Variants in OR2B11 observed in about 807,000 individuals in gnomAD.
OR2B11 encodes the protein olfactory receptor 2B11.
For synonymous variants in OR2B11, 198 were observed against 174.5 expected (o/e 1.13, Z -1.06); for missense variants, 422 against 400.0 (o/e 1.05, Z -0.47).
chr1:247,455,143 T>C (rs6672845), intron 1 of OR2B11, 79 bp from the exon 2 acceptor site: 113,665 of 152,032 alleles, frequency 0.75, 42,857 homozygotes, highest in East Asian at 0.94. Flanking sequence ...TGACATTTGC[T>C]GCTGAAATCT....
rs1251769502 is a variant in OR2B11, at chr1:247,452,834, G to GC, written c.-853dup. 2.0e-5 allele frequency: 3 copies of GC among 152,226 alleles called. No individual in the cohort carries two copies. Among genetic ancestry groups the GC allele is most frequent in the Non-Finnish European group, 2.9e-5 (2 of 68,040 alleles). The allele number at this position is 152,226 out of a possible 1,614,324, so 9.4% of individuals were successfully genotyped here. A position where few individuals can be genotyped will look rare whatever the true frequency, so the allele number is the denominator to read the frequency against. On this transcript the variant is annotated 5_prime_UTR_variant, in exon 2 of 2. It introduces an in-frame stop codon into an upstream open reading frame of the 5' UTR. Coordinates refer to ENST00000641149, the MANE Select transcript of OR2B11 (RefSeq NM_001004492.2). ...GAATTGTCTACGGAAAGATCAGACTGCCCTCTAGGGCTAGGTTTTATCTGA... is the reference window on the plus strand; with the variant it reads ...GAATTGTCTACGGAAAGATCAGACTGCCCCTCTAGGGCTAGGTTTTATCTGA...
At position 247,454,181 on chromosome 1, in the gene OR2B11, GCACACACACACACACA is replaced by G. The variant is rs907840139; in HGVS notation, c.-2215_-2200del. 1 of 18,746 alleles carries G rather than the reference GCACACACACACACACA, an allele frequency of 5.3e-5. No individual in the cohort carries two copies. Among genetic ancestry groups the G allele is most frequent in the Non-Finnish European group, 4.7e-4 (1 of 2,124 alleles). 1.2% of individuals were successfully genotyped at this position (18,746 alleles called of 1,614,324 possible). A position where few individuals can be genotyped will look rare whatever the true frequency, so the allele number is the denominator to read the frequency against. ...CACACACATGCATGCACGTGCACAC[GCACACACACACACACA>G]CACACACACGCACACACACACGGTT... is the stretch of plus-strand genomic sequence containing the variant. On this transcript the variant is annotated 5_prime_UTR_variant, in exon 2 of 2. The change creates a premature stop within an existing upstream ORF in the 5' untranslated region. Coordinates refer to ENST00000641149, the MANE Select transcript of OR2B11 (RefSeq NM_001004492.2).
In OR2B11 at chr1:247,451,889, AG is replaced by A; in HGVS notation, c.93del (p.Phe32LeufsTer135). ...ACATAGGACAGCAGGAGGACCACAAAGAGAGGGAGTTCCAGCCACGGCCTGT... is the reference window on the plus strand; with the variant it reads ...ACATAGGACAGCAGGAGGACCACAAAAGAGGGAGTTCCAGCCACGGCCTGT... ...VSDRPWLELP[L>X]FVVLLLSYVL... On this transcript the variant is annotated frameshift_variant, in exon 2 of 2. Coordinates refer to ENST00000641149, the MANE Select transcript of OR2B11 (RefSeq NM_001004492.2). LOFTEE classifies it low-confidence loss of function (END_TRUNC). 1.2e-6 allele frequency: 2 copies of A among 1,614,130 alleles called. No individual in the cohort carries two copies. The highest frequency in any genetic ancestry group is 1.7e-6 in the Non-Finnish European group (2 of 1,180,024).
At position 247,451,950 on chromosome 1, in the gene OR2B11, G is replaced by C; in HGVS notation, c.33C>G (p.Asp11Glu). The change falls in exon 2 of 2, where the codon GAC becomes GAG. Residue 11 changes from aspartate to glutamate, a missense_variant. By Grantham distance (45) the Asp-to-Glu change is conservative (BLOSUM62 2). Coordinates refer to ENST00000641149, the MANE Select transcript of OR2B11 (RefSeq NM_001004492.2). The stretch of plus-strand genomic sequence containing the variant: ...CCAGAAGGATGAAGGCTTTAGGGGA[G>C]TCCCCTAAGAAGCTATGGTTGTCAC... MKSDNHSFLG[D>E]SPKAFILLGV... The C allele has an allele frequency of 6.3e-7, 1 of 1,596,672 alleles. No homozygotes were observed. Among genetic ancestry groups the C allele is most frequent in the Non-Finnish European group, 8.5e-7 (1 of 1,172,180 alleles).
At position 247,450,694 on chromosome 1, in the gene OR2B11, G is replaced by T. The variant is rs755899435; in HGVS notation, c.*335C>A. On this transcript the variant is annotated 3_prime_UTR_variant, in exon 2 of 2. Transcript: ENST00000641149. ...TCAGCTTCATCTTGTGTATACTTAG[G>T]AGTAATAGAAAAGAGACAAATGGGG... 3 of 187,880 alleles carry T rather than the reference G, an allele frequency of 1.6e-5. No individual in the cohort carries two copies. Among genetic ancestry groups the T allele is most frequent in the Admixed American group, 6.1e-5 (1 of 16,302 alleles). The allele number at this position is 187,880 out of a possible 1,614,324, so 11.6% of individuals were successfully genotyped here.
chr1:247,451,180 G>A lies in OR2B11; in HGVS notation c.803C>T (p.Ser268Phe), dbSNP rs866290262. The change falls in exon 2 of 2, where the codon TCC becomes TTC. Residue 268 changes from serine to phenylalanine, a missense_variant. Physicochemically the swap from Ser to Phe is radical, Grantham distance 155. Transcript: ENST00000641149. ...PAIYMYLQPP[S>F]SYSQEQGKFI... is the part of the protein sequence containing the mutation. ...TTTGCCCTGCTCTTGGGAGTAGCTG[G>A]AAGGGGGCTGCAGATACATGTAAAT... 1 of 1,558,604 alleles carries A rather than the reference G, an allele frequency of 6.4e-7. No individual in the cohort carries two copies. The highest frequency in any genetic ancestry group is 8.7e-7 in the Non-Finnish European group (1 of 1,150,826).
chr1:247,450,944 C>T lies in OR2B11; in HGVS notation c.*85G>A, dbSNP rs2103265474. ...GGTTTTTGAGCTCTCTGGGTATTAA[C>T]TCCTTAAGTGAAAGATGCTCTGAGT... On this transcript the variant is annotated 3_prime_UTR_variant, in exon 2 of 2. Transcript: ENST00000641149. The T allele has an allele frequency of 1.3e-6, 1 of 782,260 alleles. No homozygotes were observed. Among genetic ancestry groups the T allele is most frequent in the East Asian group, 2.7e-5 (1 of 36,492 alleles). The allele number at this position is 782,260 out of a possible 1,614,324, so 48.5% of individuals were successfully genotyped here.
rs1419650582 is a variant in OR2B11 at position 247,454,187 on chromosome 1, A to G, written c.-2205T>C. On this transcript the variant is annotated 5_prime_UTR_variant, in exon 2 of 2. Coordinates refer to ENST00000641149, the MANE Select transcript of OR2B11 (RefSeq NM_001004492.2). ...CATGCATGCACGTGCACACGCACAC[A>G]CACACACACACACACACACGCACAC... 1 of 16,790 alleles carries G rather than the reference A, an allele frequency of 6.0e-5. No homozygotes were observed. The highest frequency in any genetic ancestry group is 9.4e-4 in the Non-Finnish European group (1 of 1,066). The allele number at this position is 16,790 out of a possible 1,614,324, so 1.0% of individuals were successfully genotyped here. A position where few individuals can be genotyped will look rare whatever the true frequency, so the allele number is the denominator to read the frequency against.
intron 1 of OR2B11, among the ~76,000 whole-genome samples, chr1:247,457,053 A>C (rs1438965744): frequency 1.3e-5 from 2 of 152,160 alleles, no homozygotes; most frequent in Non-Finnish European, 2.9e-5. Flanking sequence ...GCTGGGACCC[A>C]GCAGTGATGG....
At chr1:247,455,837 A>G (rs1664955419) in intron 1 of OR2B11, among the ~76,000 whole-genome samples, 2 of 152,288 alleles carry the variant, frequency 1.3e-5, no homozygotes, top group South Asian at 2.1e-4. Context: ...CTCTGGTTTC[A>G]GGACAGCCCG....
intron 1 of OR2B11, among the ~76,000 whole-genome samples, chr1:247,457,284 C>G (rs9988519): frequency 0.039 from 5,921 of 152,174 alleles, 363 homozygotes; most frequent in African/African-American, 0.13. Flanking sequence ...GCTCAGCTCA[C>G]TACTGCCCTT....
In OR2B11 at chr1:247,449,421, A is replaced by G. The variant is rs982652009; in HGVS notation, c.*1608T>C. ...ATCCGAGGAACAGTTCATCTATTAT[A>G]CTTCACAGAGCATTAAGTTATAAGG... is the stretch of plus-strand genomic sequence containing the variant. On this transcript the variant is annotated 3_prime_UTR_variant, in exon 2 of 2. Transcript: ENST00000641149. 1 of 152,220 alleles carries G rather than the reference A, an allele frequency of 6.6e-6. No individual in the cohort carries two copies. Among genetic ancestry groups the G allele is most frequent in the Non-Finnish European group, 1.5e-5 (1 of 68,038 alleles). 9.4% of individuals were successfully genotyped at this position (152,220 alleles called of 1,614,324 possible).
Position 247,453,972 on chromosome 1 carries a change from A to G in OR2B11, c.-1990T>C, listed in dbSNP as rs1473980726. On this transcript the variant is annotated 5_prime_UTR_variant, in exon 2 of 2. Coordinates refer to ENST00000641149, the MANE Select transcript of OR2B11 (RefSeq NM_001004492.2). The stretch of plus-strand genomic sequence containing the variant: ...CTCTCCAGAACTTTGCTTTAAAAAA[A>G]GAGCAGCTGGTGACATGGGGAGCAG... 6.6e-6 allele frequency: 1 copy of G among 152,250 alleles called. No homozygotes were observed. The highest frequency in any genetic ancestry group is 6.5e-5 in the Admixed American group (1 of 15,274). 9.4% of individuals were successfully genotyped at this position (152,250 alleles called of 1,614,324 possible). A position where few individuals can be genotyped will look rare whatever the true frequency, so the allele number is the denominator to read the frequency against.
Position 247,451,427 on chromosome 1 carries a change from G to A in OR2B11, c.556C>T (p.Pro186Ser). The A allele has an allele frequency of 1.9e-6, 3 of 1,614,104 alleles. No homozygotes were observed. Among genetic ancestry groups the A allele is most frequent in the Non-Finnish European group, 2.5e-6 (3 of 1,179,972 alleles). ...GCACACGACAGCTTGATCACGGCCG[G>A]CACCTCACAGAAAAAGTTGTTCAGC... ...QVLNNFFCEV[P>S]AVIKLSCADT... Residue 186 changes from proline (P) to serine (S), a missense_variant, in exon 2 of 2, where the codon CCG (proline) becomes TCG (serine). Coordinates refer to ENST00000641149, the MANE Select transcript of OR2B11 (RefSeq NM_001004492.2).
Position 247,450,900 on chromosome 1 carries a change from G to C in OR2B11, c.*129C>G, listed in dbSNP as rs1194669618. ...GGGATTTGGGGCATTATAACAGGAA[G>C]TGAGATGTTTGAAGACAGGGTTTTT... On this transcript the variant is annotated 3_prime_UTR_variant, in exon 2 of 2. Transcript: ENST00000641149. The C allele has an allele frequency of 2.0e-6, 1 of 509,282 alleles. No individual in the cohort carries two copies. The highest frequency in any genetic ancestry group is 3.4e-6 in the Non-Finnish European group (1 of 292,504). 31.5% of individuals were successfully genotyped at this position (509,282 alleles called of 1,614,324 possible). A position where few individuals can be genotyped will look rare whatever the true frequency, so the allele number is the denominator to read the frequency against.
At position 247,451,955 on chromosome 1, in the gene OR2B11, C is replaced by G. The variant is rs777542589; in HGVS notation, c.28G>C (p.Gly10Arg). 85 of 1,584,716 alleles carry G rather than the reference C, an allele frequency of 5.4e-5. No individual in the cohort carries two copies. The highest frequency in any genetic ancestry group is 1.1e-4 in the Admixed American group (6 of 56,290). ...AGGATGAAGGCTTTAGGGGAGTCCC[C>G]TAAGAAGCTATGGTTGTCACTTTTC... is the stretch of plus-strand genomic sequence containing the variant. MKSDNHSFL[G>R]DSPKAFILLG... The change falls in exon 2 of 2, where the codon GGG becomes CGG. Residue 10 changes from glycine (G) to arginine (R), a missense_variant. Gly to Arg is a moderately radical substitution (Grantham distance 125). Coordinates refer to ENST00000641149, the MANE Select transcript of OR2B11 (RefSeq NM_001004492.2).
intron 1 of OR2B11, among the ~76,000 whole-genome samples, chr1:247,455,385 G>A (rs899724620): frequency 2.0e-5 from 3 of 152,178 alleles, no homozygotes; most frequent in Non-Finnish European, 2.9e-5. Flanking sequence ...CAGCTGCGGA[G>A]GCCATCATTG....
At position 247,451,088 on chromosome 1, in the gene OR2B11, T is replaced by C. The variant is rs1318278900; in HGVS notation, c.895A>G (p.Lys299Glu). The C allele has an allele frequency of 2.0e-6, 3 of 1,511,524 alleles. No homozygotes were observed. Among genetic ancestry groups the C allele is most frequent in the Non-Finnish European group, 2.7e-6 (3 of 1,130,274 alleles). The allele number at this position is 1,511,524 out of a possible 1,614,324, so 93.6% of individuals were successfully genotyped here. A position where few individuals can be genotyped will look rare whatever the true frequency, so the allele number is the denominator to read the frequency against. ...CTCCTCAGAGCCCCCTTCATATCTT[T>C]ATTTCTCAGGGTGTAGGTGAAGGGA... is the stretch of plus-strand genomic sequence containing the variant. ...LNPFTYTLRN[K>E]DMKGALRRLL... Residue 299 changes from lysine (K) to glutamate (E), a missense_variant, in exon 2 of 2, where the codon AAA becomes GAA. By Grantham distance (56) the Lys-to-Glu change is moderately conservative. Transcript: ENST00000641149.
In OR2B11 at chr1:247,451,182, A is replaced by T; in HGVS notation, c.801T>A (p.Pro267=). 6.4e-7 allele frequency: 1 copy of T among 1,558,428 alleles called. No individual in the cohort carries two copies. Among genetic ancestry groups the T allele is most frequent in the South Asian group, 1.2e-5 (1 of 81,854 alleles). The stretch of plus-strand genomic sequence containing the variant: ...TGCCCTGCTCTTGGGAGTAGCTGGA[A>T]GGGGGCTGCAGATACATGTAAATCG... The part of the protein sequence containing the change: ...LPAIYMYLQP[P]SSYSQEQGKF... The change falls in exon 2 of 2, where the codon CCT becomes CCA. Residue 267 remains proline, a synonymous_variant. Coordinates refer to ENST00000641149, the MANE Select transcript of OR2B11 (RefSeq NM_001004492.2).
Sources: allele counts gnomAD v4.1 joint callset (sites outside exome capture counted in the v4.1 genomes callset), GRCh38; gene constraint gnomAD v4.1.1; transcripts MANE v1.5; gene names NCBI Gene and HGNC (gene_info 2026-07-23, HGNC 2026-07-21).